FAT4: variants seen among roughly 807,000 people sequenced by gnomAD.
The protein encoded by FAT4 is protocadherin Fat 4.
Under a neutral mutation model 303.9 loss-of-function variants are expected in FAT4, and 84 were observed. The ratio of observed to expected loss-of-function variants is 0.28; its 90% CI spans 0.23 to 0.33. The LOEUF is 0.33. Among genes scored for constraint, FAT4 ranks in the 10% least tolerant of loss-of-function variants. The pLI, the probability that FAT4 is intolerant of heterozygous loss-of-function variation, is 1.00. For missense variants in FAT4, 6,005 were observed against 6,146.8 expected (o/e 0.98, Z 0.77); for synonymous variants, 2,307 against 2,298.8 (o/e 1.00, Z -0.10).
chr4:125,456,759 A>C (rs567513263), intron 10 of FAT4, among the ~76,000 whole-genome samples: 2 of 152,304 alleles, frequency 1.3e-5, no homozygotes, highest in African/African-American at 4.8e-5. Flanking sequence ...ATACCAAAAC[A>C]TCTTAACATC....
intron 2 of FAT4, among the ~76,000 whole-genome samples, chr4:125,383,479 C>T (rs1246674844): frequency 6.6e-6 from 1 of 151,978 alleles, no homozygotes; most frequent in African/African-American, 2.4e-5. Flanking sequence ...TGTAATTCTC[C>T]CAAGAAAATA....
intron 2 of FAT4, among the ~76,000 whole-genome samples, chr4:125,393,111 T>C (rs1381610814): frequency 6.7e-6 from 1 of 148,644 alleles, no homozygotes; most frequent in Non-Finnish European, 1.5e-5. Flanking sequence ...AATCCTACGG[T>C]CTCCCAAAAG....
At chr4:125,379,016 T>C (rs1421187865) in intron 2 of FAT4, among the ~76,000 whole-genome samples, 2 of 151,538 alleles carry the variant, frequency 1.3e-5, no homozygotes, top group African/African-American at 4.9e-5. Context: ...ACAAGAAATG[T>C]ATCTACACAA....
Position 125,452,134 on chromosome 4 carries a change from T to C in FAT4, c.11124T>C (p.Asn3708=). 6.2e-7 allele frequency: 1 copy of C among 1,614,220 alleles called. No homozygotes were observed. Among genetic ancestry groups the C allele is most frequent in the Non-Finnish European group, 8.5e-7 (1 of 1,180,038 alleles). ...NIRVFFAGFS[N]ATVDNSILLR... Reference sequence around the variant, plus strand: ...GAGTTTTCTTTGCTGGATTTTCCAATGCCACAGTGGATAACAGCATCTTAC... The same window carrying C: ...GAGTTTTCTTTGCTGGATTTTCCAACGCCACAGTGGATAACAGCATCTTAC... Residue 3708 remains asparagine (N), a synonymous_variant, in exon 10 of 18, where the codon AAT becomes AAC. Transcript: ENST00000394329.
intron 2 of FAT4, among the ~76,000 whole-genome samples, chr4:125,364,996 A>T (rs1732823572): frequency 6.6e-6 from 1 of 152,292 alleles, no homozygotes; most frequent in South Asian, 2.1e-4. Flanking sequence ...CTAACAGTTG[A>T]TAGTAGAGTT....
In FAT4 at chr4:125,477,198, A is replaced by G; in HGVS notation, c.12343A>G (p.Arg4115Gly). 6.8e-7 allele frequency: 1 copy of G among 1,476,622 alleles called. No individual in the cohort carries two copies. Among genetic ancestry groups the G allele is most frequent in the Non-Finnish European group, 9.1e-7 (1 of 1,104,842 alleles). 91.5% of individuals were successfully genotyped at this position (1,476,622 alleles called of 1,614,324 possible). The part of the protein sequence containing the change: ...QPNRVTVGGI[R>G]SLEPILQRRG... ...AAATAGAGTTACAGTTGGAGGTATC[A>G]GATCTCTAGAACCAATCCTTCAGAG... Residue 4115 changes from arginine (R) to glycine (G), a missense_variant, in exon 14 of 18, where the codon AGA becomes GGA. Physicochemically the swap from Arg to Gly is moderately radical, Grantham distance 125. Transcript: ENST00000394329.
intron 2 of FAT4, among the ~76,000 whole-genome samples, chr4:125,332,987 CTT>C (rs1163514634): frequency 6.6e-6 from 1 of 151,652 alleles, no homozygotes; most frequent in Non-Finnish European, 1.5e-5. Context: ...AATACTTACT[CTT>C]ATTTTTATTT....
chr4:125,479,863 A>C lies in FAT4; in HGVS notation c.12602A>C (p.Lys4201Thr). ...GGACTCACTGGGAAATACTGTGAAA[A>C]ATGTATGTAAGGTCTTCCGTCTTCC... ...KEGLTGKYCE[K>T]SVTPDTALSL... The change falls in exon 15 of 18, where the codon AAA (lysine) becomes ACA (threonine). Residue 4201 changes from lysine (K) to threonine (T), a missense_variant and splice_region_variant. Physicochemically the swap from Lys to Thr is moderately conservative, Grantham distance 78 (BLOSUM62 -1). Coordinates refer to ENST00000394329, the MANE Select transcript of FAT4 (RefSeq NM_001291303.3). The C allele has an allele frequency of 6.3e-7, 1 of 1,580,988 alleles. No individual in the cohort carries two copies. Among genetic ancestry groups the C allele is most frequent in the Admixed American group, 1.7e-5 (1 of 59,444 alleles).
chr4:125,368,740 T>A (rs75502305), intron 2 of FAT4, among the ~76,000 whole-genome samples: 3 of 150,696 alleles, frequency 2.0e-5, no homozygotes, highest in Non-Finnish European at 3.0e-5. Context: ...TTTTTTTTTT[T>A]GAGAGAGAGA....
rs1028764667 is a variant in FAT4 at position 125,351,231 on chromosome 4, G to A, written c.5175+29645G>A. Among the ~76,000 whole-genome samples the A allele has an allele frequency of 1.7e-4, 26 of 151,760 alleles. No homozygotes were observed. In the East Asian group the frequency reaches 4.3e-3, roughly 25 times the overall value. On this transcript the variant is annotated intron_variant, in intron 2 of 17. Transcript: ENST00000394329. Reference sequence around the variant, plus strand: ...AGGATTAAAATATATATGAAGATAAGTTTGGTGCCACCAATTTGAAATTAA... The same window carrying A: ...AGGATTAAAATATATATGAAGATAAATTTGGTGCCACCAATTTGAAATTAA...
At chr4:125,475,110 C>A (rs1388581955) in intron 12 of FAT4, among the ~76,000 whole-genome samples, 2 of 152,058 alleles carry the variant, frequency 1.3e-5, no homozygotes, top group Non-Finnish European at 2.9e-5. Context: ...ACCTCTTGTC[C>A]ATTTGGATAA....
At chr4:125,368,167 G>A (rs924111802) in intron 2 of FAT4, among the ~76,000 whole-genome samples, 2 of 152,132 alleles carry the variant, frequency 1.3e-5, no homozygotes, top group Non-Finnish European at 2.9e-5. Context: ...CACTGTGGCA[G>A]AAGAACTTGA....
intron 14 of FAT4, among the ~76,000 whole-genome samples, chr4:125,478,145 C>T (rs534900999): frequency 3.9e-5 from 6 of 152,214 alleles, no homozygotes; most frequent in East Asian, 1.9e-4. Flanking sequence ...GATGAGATTA[C>T]CAGAAATAAA....
intron 15 of FAT4, among the ~76,000 whole-genome samples, 151 bp downstream of exon 15, chr4:125,480,016 T>A (rs1727168545): frequency 6.6e-6 from 1 of 152,210 alleles, no homozygotes; most frequent in Non-Finnish European, 1.5e-5. Context: ...TACAGTGACA[T>A]TTTAAAAATT....
chr4:125,424,379 C>T (rs983431340), intron 7 of FAT4, among the ~76,000 whole-genome samples: 22 of 152,156 alleles, frequency 1.4e-4, no homozygotes, highest in Non-Finnish European at 2.8e-4. Flanking sequence ...TCTCATTTTT[C>T]TCTCTCCTGC....
At chr4:125,474,030 C>T (rs988495492) in intron 12 of FAT4, among the ~76,000 whole-genome samples, 1 of 151,938 alleles carries the variant, frequency 6.6e-6, no homozygotes, top group Admixed American at 6.5e-5. Flanking sequence ...TGGGATAAAA[C>T]ATTTTAATTT....
intron 2 of FAT4, among the ~76,000 whole-genome samples, chr4:125,354,707 T>C (rs1732358978): frequency 6.8e-6 from 1 of 147,192 alleles, no homozygotes; most frequent in African/African-American, 2.5e-5. Context: ...ATGAAGGTAA[T>C]ATTGGTAGAT....
intron 2 of FAT4, among the ~76,000 whole-genome samples, chr4:125,375,389 A>T (rs1178587418): frequency 6.6e-6 from 1 of 152,206 alleles, no homozygotes; most frequent in Non-Finnish European, 1.5e-5. Flanking sequence ...AAAAGTCATG[A>T]AGCTTTTATT....
At chr4:125,329,262 C>A (rs1276972260) in intron 2 of FAT4, among the ~76,000 whole-genome samples, 1 of 152,172 alleles carries the variant, frequency 6.6e-6, no homozygotes, top group East Asian at 1.9e-4. Context: ...GACTTGGCCC[C>A]TGCCACTCCA....
Sources: allele counts gnomAD v4.1 joint callset (sites outside exome capture counted in the v4.1 genomes callset), GRCh38; gene constraint gnomAD v4.1.1; transcripts MANE v1.5; gene names NCBI Gene and HGNC (gene_info 2026-07-23, HGNC 2026-07-21).